The following GSG1 variants were observed in gnomAD, a reference collection of about 807,000 sequenced individuals.
GSG1 encodes germ cell associated 1, also known as germ cell-specific gene 1 protein.
GSG1 carries 28 observed loss-of-function variants against 30.8 expected under a neutral mutation model. The ratio of observed to expected loss-of-function variants is 0.91; its 90% CI spans 0.67 to 1.25. The LOEUF is 1.25. Among genes scored for constraint, GSG1 ranks in the 50% most tolerant of loss-of-function variants. GSG1 has a pLI of 0.00. For synonymous variants in GSG1, 162 were observed against 178.0 expected (o/e 0.91, Z 0.71); for missense variants, 435 against 444.7 (o/e 0.98, Z 0.20).
chr12:13,094,463 A>G (rs905610170), intron 1 of GSG1, among the ~76,000 whole-genome samples: 1 of 152,226 alleles, frequency 6.6e-6, no homozygotes, highest in African/African-American at 2.4e-5. Flanking sequence ...CTAAGGACAA[A>G]AAATCCGCAG....
At chr12:13,092,381 G>T (rs911832821) in intron 1 of GSG1, among the ~76,000 whole-genome samples, 1 of 152,174 alleles carries the variant, frequency 6.6e-6, no homozygotes, top group Non-Finnish European at 1.5e-5. Context: ...GAGCGAGAGA[G>T]AGAGAAGGTG....
intron 6 of GSG1, among the ~76,000 whole-genome samples, chr12:13,086,387 C>G (rs1865525856): frequency 6.6e-6 from 1 of 152,196 alleles, no homozygotes; most frequent in African/African-American, 2.4e-5. Context: ...TTGCAGGCTT[C>G]CTTCCCCGAA....
chr12:13,088,116 A>C (rs539330924), intron 4 of GSG1, 57 bp from the exon 5 acceptor site: 2 of 1,598,632 alleles, frequency 1.3e-6, no homozygotes, highest in African/African-American at 2.7e-5. Flanking sequence ...AAACTGAATA[A>C]GCGGTGAGCA....
rs1394439275 is a variant in GSG1, at chr12:13,093,145, ATATATAAT to A, written c.49-2335_49-2328del. The stretch of plus-strand genomic sequence containing the variant: ...TGTAAAATAACATTAATACATATAA[ATATATAAT>A]TATATAATTAATAATTGACAAGGCA... On this transcript the variant is annotated intron_variant, in intron 1 of 6. Transcript: ENST00000651961. The surrounding 1 kb of genome is among the most constrained non-coding windows in gnomAD (Gnocchi z 4.6). Among the ~76,000 whole-genome samples, 1 of 151,212 alleles carries A rather than the reference ATATATAAT, an allele frequency of 6.6e-6. No homozygotes were observed. Among genetic ancestry groups the A allele is most frequent in the African/African-American group, 2.4e-5 (1 of 41,330 alleles).
At chr12:13,090,116 A>T (rs1019284719) in intron 2 of GSG1, among the ~76,000 whole-genome samples, 5 of 152,240 alleles carry the variant, frequency 3.3e-5, no homozygotes, top group Non-Finnish European at 5.9e-5. Context: ...CTTTCCTACA[A>T]TATTCCTCTC....
At chr12:13,088,093 C>T (rs1865715800) in intron 4 of GSG1, 34 bp from the exon 5 acceptor site, 2 of 1,612,736 alleles carry the variant, frequency 1.2e-6, no homozygotes, top group Non-Finnish European at 1.7e-6. Context: ...GAGCGCTCAC[C>T]CTGACAGTTA....
chr12:13,103,084 G>A (rs1445992725), intron 1 of GSG1, among the ~76,000 whole-genome samples: 1 of 152,194 alleles, frequency 6.6e-6, no homozygotes, highest in Non-Finnish European at 1.5e-5. Flanking sequence ...TGTTGCCACC[G>A]CTACTGGGCC....
In GSG1 at chr12:13,085,144, C is replaced by G. The variant is rs1865394459; in HGVS notation, c.846G>C (p.Lys282Asn). Residue 282 changes from lysine to asparagine, a missense_variant, in exon 7 of 7, where the codon AAG (lysine) becomes AAC (asparagine). Physicochemically the swap from Lys to Asn is moderately conservative, Grantham distance 94. Transcript: ENST00000651961. ...MVLEFKCKHS[K>N]SFKENPNCLP... ...GGCAGTTCGGGTTTTCCTTGAAGCT[C>G]TTACTATGCTTGCACTTGAACTCCA... The G allele has an allele frequency of 2.5e-6, 4 of 1,614,048 alleles. No homozygotes were observed. Among genetic ancestry groups the G allele is most frequent in the Non-Finnish European group, 2.5e-6 (3 of 1,180,020 alleles).
At chr12:13,088,795 C>G (rs1865801256) in intron 4 of GSG1, 67 bp downstream of exon 4, 1 of 1,614,126 alleles carries the variant, frequency 6.2e-7, no homozygotes, top group South Asian at 1.1e-5. Context: ...CAACCGCTTC[C>G]CTCCAAATCG....
In GSG1 at chr12:13,090,568, CGG is replaced by C; in HGVS notation, c.297_298del (p.Asp99GlufsTer16). ...ACTCCGGAAGCTCCGGAAGGAGAAC[CGG>C]TCATCCCCAGTCTCCCAGTTGTATT... On this transcript the variant is annotated frameshift_variant, in exon 2 of 7. Coordinates refer to ENST00000651961, the MANE Select transcript of GSG1 (RefSeq NM_001080555.4). LOFTEE classifies it high-confidence loss of function. 6.2e-7 allele frequency: 1 copy of C among 1,614,208 alleles called. No homozygotes were observed. The highest frequency in any genetic ancestry group is 8.5e-7 in the Non-Finnish European group (1 of 1,180,018).
intron 1 of GSG1, among the ~76,000 whole-genome samples, chr12:13,095,069 G>A (rs1347240730): frequency 2.6e-5 from 4 of 152,210 alleles, no homozygotes; most frequent in African/African-American, 9.7e-5. Flanking sequence ...CCACCAGGGA[G>A]AGACACAAGG....
At chr12:13,089,667 A>T (rs1865893651) in intron 2 of GSG1, among the ~76,000 whole-genome samples, 1 of 152,226 alleles carries the variant, frequency 6.6e-6, no homozygotes, top group African/African-American at 2.4e-5. Context: ...AATACTTAGA[A>T]TGAGAAAATA....
Position 13,095,555 on chromosome 12 carries a change from C to T in GSG1, c.49-4737G>A, listed in dbSNP as rs368299743. ...CTTAAAAGAGCCAGGTACAAAATAG[C>T]TGTAGACTGCATCCTTTGAGCAATA... On this transcript the variant is annotated intron_variant, in intron 1 of 6. Coordinates refer to ENST00000651961, the MANE Select transcript of GSG1 (RefSeq NM_001080555.4). The T allele has an allele frequency of 1.9e-6, 3 of 1,578,456 alleles. No individual in the cohort carries two copies. The African/African-American group carries it at 4.0e-5, about 21-fold the overall frequency.
intron 1 of GSG1, among the ~76,000 whole-genome samples, chr12:13,097,683 C>T (rs1402015436): frequency 1.3e-5 from 2 of 152,138 alleles, no homozygotes. Flanking sequence ...CCTGAGATTT[C>T]ATAGTAGTTC....
At position 13,101,806 on chromosome 12, in the gene GSG1, C is replaced by T. The variant is rs1427470910; in HGVS notation, c.48+1659G>A. On this transcript the variant is annotated intron_variant, in intron 1 of 6. Transcript: ENST00000651961. This position sits in a 1 kb window ranked among gnomAD's most constrained non-coding sequence, Gnocchi z 5.8. ...GATGTCTGCGTCTCATTGGGAAGAC[C>T]CCAGGGCGGGACTTCACCACCCAGA... Among the ~76,000 whole-genome samples the T allele has an allele frequency of 6.6e-6, 1 of 152,186 alleles. No individual in the cohort carries two copies. Among genetic ancestry groups the T allele is most frequent in the Non-Finnish European group, 1.5e-5 (1 of 68,016 alleles).
rs57762367 is a variant in GSG1 at position 13,099,750 on chromosome 12, GTTTT to G, written c.48+3711_48+3714del. Among the ~76,000 whole-genome samples, 54 of 114,826 alleles carry G rather than the reference GTTTT, an allele frequency of 4.7e-4. 1 individual carries two copies. The highest frequency in any genetic ancestry group is 1.5e-3 in the African/African-American group (49 of 32,266). The allele number at this position is 114,826 out of a possible 152,430, so 75.3% of individuals were successfully genotyped here. A position where few individuals can be genotyped will look rare whatever the true frequency, so the allele number is the denominator to read the frequency against. On this transcript the variant is annotated intron_variant, in intron 1 of 6. Coordinates refer to ENST00000651961, the MANE Select transcript of GSG1 (RefSeq NM_001080555.4). ...GCTAAGGGATCCGGTGTTTTTTTTT[GTTTT>G]TTTTTTTTTTTTTTGTTTTTTCTTC...
chr12:13,100,839 AG>A lies in GSG1; in HGVS notation c.48+2625del, dbSNP rs373688173. Among the ~76,000 whole-genome samples, 22 of 152,280 alleles carry A rather than the reference AG, an allele frequency of 1.4e-4. No homozygotes were observed. In the East Asian group the frequency reaches 4.1e-3, roughly 28 times the overall value. ...TTATTCTCAGCTGTAACCACGTTTA[AG>A]GGGCCACATCACCTCAAATGGTCGC... On this transcript the variant is annotated intron_variant, in intron 1 of 6. Transcript: ENST00000651961.
At chr12:13,092,089 G>A (rs527479572) in intron 1 of GSG1, among the ~76,000 whole-genome samples, 9 of 152,336 alleles carry the variant, frequency 5.9e-5, no homozygotes, top group African/African-American at 2.2e-4. Flanking sequence ...ACAGAAGTAG[G>A]ATAAAGGTGA....
chr12:13,084,999 C>G lies in GSG1; in HGVS notation c.991G>C (p.Asp331His). ...QPIHSVSEGV[D>H]FYSELRNKGF... ...TTGTTCCGCAGCTCGGAGTAGAAGT[C>G]GACTCCCTCAGAGACAGAGTGGATG... The change falls in exon 7 of 7, where the codon GAC becomes CAC. Residue 331 changes from aspartate (D) to histidine (H), a missense_variant. Asp to His is a moderately conservative substitution (Grantham distance 81). Transcript: ENST00000651961. 1.3e-6 allele frequency: 2 copies of G among 1,555,448 alleles called. No homozygotes were observed. The highest frequency in any genetic ancestry group is 1.7e-6 in the Non-Finnish European group (2 of 1,148,806).
Sources: allele counts gnomAD v4.1 joint callset (sites outside exome capture counted in the v4.1 genomes callset), GRCh38; gene constraint gnomAD v4.1.1; non-coding constraint Gnocchi (gnomAD v3.1); transcripts MANE v1.5; gene names NCBI Gene and HGNC (gene_info 2026-07-23, HGNC 2026-07-21).